The following MAP4K4 variants were observed in gnomAD, a reference collection of about 807,000 sequenced individuals.
The protein encoded by MAP4K4 is HPK/GCK-like kinase HGK.
A neutral mutation model predicts 189.6 loss-of-function variants in MAP4K4; 38 were observed. The ratio of observed to expected loss-of-function variants is 0.20; its 90% CI spans 0.15 to 0.26. The LOEUF (loss-of-function observed/expected upper bound fraction) is 0.26, where lower values mean the gene tolerates loss of function less well. Among genes scored for constraint, MAP4K4 ranks in the 10% least tolerant of loss-of-function variants. MAP4K4 has a pLI of 1.00. For missense variants in MAP4K4, 1,054 were observed against 1,726.9 expected (o/e 0.61, Z 6.91); for synonymous variants, 610 against 624.3 (o/e 0.98, Z 0.34).
intron 28 of MAP4K4, among the ~76,000 whole-genome samples, chr2:101,883,214 T>C (rs2098429372): frequency 7.9e-5 from 12 of 152,254 alleles, no homozygotes; most frequent in Non-Finnish European, 1.5e-4. Context: ...GCTACTATGC[T>C]CCTTACTAGT....
At chr2:101,837,694 CCTTTT>C (rs2096799662) in intron 9 of MAP4K4, among the ~76,000 whole-genome samples, 1 of 152,110 alleles carries the variant, frequency 6.6e-6, no homozygotes, top group Admixed American at 6.5e-5. Context: ...CTCATTTTCC[CCTTTT>C]CTTTATCTCT....
intron 2 of MAP4K4, among the ~76,000 whole-genome samples, chr2:101,717,236 G>A (rs767636858): frequency 2.0e-5 from 3 of 152,230 alleles, no homozygotes; most frequent in Non-Finnish European, 4.4e-5. Context: ...GCAGGAGGAA[G>A]TCATGCATAC....
intron 21 of MAP4K4, 105 bp downstream of exon 21, chr2:101,868,142 C>G (rs957468091): frequency 7.9e-7 from 1 of 1,262,334 alleles, no homozygotes; most frequent in Non-Finnish European, 1.1e-6. Flanking sequence ...AACTTGACTT[C>G]TTGTTCTTTT....
chr2:101,733,662 T>A (rs1409670381), intron 2 of MAP4K4, among the ~76,000 whole-genome samples: 4 of 152,126 alleles, frequency 2.6e-5, no homozygotes, highest in Non-Finnish European at 5.9e-5. Context: ...GTAGAAAGAA[T>A]GGAGGATTCA....
At position 101,769,328 on chromosome 2, in the gene MAP4K4, T is replaced by C. The variant is rs573072253; in HGVS notation, c.124-21392T>C. Reference sequence around the variant, plus strand: ...CTGTAATAGTGAATATTCAGCAAGGTAAGGTCCCTGGCCTCCTGGTGCTTA... The same window carrying C: ...CTGTAATAGTGAATATTCAGCAAGGCAAGGTCCCTGGCCTCCTGGTGCTTA... On this transcript the variant is annotated intron_variant, in intron 2 of 32. Coordinates refer to ENST00000324219, the Ensembl canonical transcript of MAP4K4. 1.4e-4 allele frequency among the ~76,000 whole-genome samples: 22 copies of C among 152,262 alleles called. No homozygotes were observed. In the South Asian group the frequency reaches 2.5e-3, roughly 17 times the overall value.
At chr2:101,825,249 T>C in intron 4 of MAP4K4, 70 bp from the exon 5 acceptor site, 1 of 841,620 alleles carries the variant, frequency 1.2e-6, no homozygotes, top group Non-Finnish European at 1.9e-6. Context: ...AGAGAGGGCA[T>C]GGCGGTTAAA....
chr2:101,866,664 G>A, intron 19 of MAP4K4, 85 bp downstream of exon 19: 3 of 1,506,538 alleles, frequency 2.0e-6, no homozygotes, highest in Non-Finnish European at 2.7e-6. Context: ...TCTGTAGTTT[G>A]CGTGTAGCCA....
At chr2:101,784,855 C>T (rs1299263056) in intron 2 of MAP4K4, among the ~76,000 whole-genome samples, 1 of 152,120 alleles carries the variant, frequency 6.6e-6, no homozygotes, top group Admixed American at 6.6e-5. Context: ...GAGAGCCAGT[C>T]TAGGTGTGAC....
At chr2:101,698,080 A>T (rs1216932395) in exon 1 of MAP4K4, 1 of 1,329,570 alleles carries the variant, frequency 7.5e-7, no homozygotes, top group Non-Finnish European at 9.9e-7. Context: ...AAAAAGGGAA[A>T]ATGGCGAACG....
chr2:101,732,562 A>C (rs1219037283), intron 2 of MAP4K4, among the ~76,000 whole-genome samples: 3 of 152,004 alleles, frequency 2.0e-5, no homozygotes, highest in African/African-American at 7.3e-5. Context: ...CATGGCTTCC[A>C]GTACCTGTTA....
chr2:101,819,734 G>A (rs573577159), intron 3 of MAP4K4, among the ~76,000 whole-genome samples: 36 of 152,218 alleles, frequency 2.4e-4, no homozygotes, highest in South Asian at 8.3e-4. Flanking sequence ...CGGTGTTTCC[G>A]TCATATTAGA....
intron 2 of MAP4K4, among the ~76,000 whole-genome samples, chr2:101,701,793 C>G (rs2038946156): frequency 6.6e-6 from 1 of 152,104 alleles, no homozygotes; most frequent in African/African-American, 2.4e-5. Context: ...CTGGTATGAT[C>G]AGTGAGGAGA....
At chr2:101,851,756 TG>T (rs773203434) in intron 12 of MAP4K4, among the ~76,000 whole-genome samples, 183 of 101,772 alleles carry the variant, frequency 1.8e-3, no homozygotes, top group Non-Finnish European at 2.8e-3. Flanking sequence ...TTTTTTTTTT[TG>T]CCTTAGCTAT....
rs71378177 is a variant in MAP4K4, at chr2:101,811,370, CAAAAAAAAA to C, written c.181-12545_181-12537del. 3.9e-4 allele frequency among the ~76,000 whole-genome samples: 27 copies of C among 68,908 alleles called. 1 individual carries two copies. Among genetic ancestry groups the C allele is most frequent in the African/African-American group, 1.4e-3 (25 of 17,520 alleles). The allele number at this position is 68,908 out of a possible 152,430, so 45.2% of individuals were successfully genotyped here. On this transcript the variant is annotated intron_variant, in intron 3 of 32. Coordinates refer to ENST00000324219, the Ensembl canonical transcript of MAP4K4. ...ATGGCGACAGAGTGAGACTGCGTCT[CAAAAAAAAA>C]AAAAAAAAAAAAGAATGTGGAAGTA... is the stretch of plus-strand genomic sequence containing the variant.
chr2:101,706,612 G>A (rs902662056), intron 2 of MAP4K4, among the ~76,000 whole-genome samples: 4 of 152,088 alleles, frequency 2.6e-5, no homozygotes, highest in Admixed American at 2.0e-4. Context: ...AACACCACAC[G>A]TCAGATAATT....
At chr2:101,711,725 A>T (rs1375556148) in intron 2 of MAP4K4, among the ~76,000 whole-genome samples, 1 of 152,106 alleles carries the variant, frequency 6.6e-6, no homozygotes, top group African/African-American at 2.4e-5. Context: ...CAAAGTGTGA[A>T]ATTCTTTTTG....
chr2:101,735,990 C>G (rs1026034707), intron 2 of MAP4K4, among the ~76,000 whole-genome samples: 1 of 152,248 alleles, frequency 6.6e-6, no homozygotes, highest in East Asian at 1.9e-4. Flanking sequence ...GGTGTTTTCC[C>G]TGTTAAACTT....
chr2:101,888,470 T>G lies in MAP4K4; in HGVS notation c.3932-326T>G, dbSNP rs181996957. On this transcript the variant is annotated intron_variant, in intron 31 of 32. Transcript: ENST00000324219. ...TCACTGTCTCTGATCACTCATGATT[T>G]CTCTTCCCTGCCGTCTCTCATGACT... Among the ~76,000 whole-genome samples, 542 of 152,296 alleles carry G rather than the reference T, an allele frequency of 3.6e-3. 2 individuals are homozygous for G. The highest frequency in any genetic ancestry group is 0.012 in the African/African-American group (518 of 41,564).
chr2:101,874,850 G>A (rs2098154509), intron 26 of MAP4K4, among the ~76,000 whole-genome samples: 1 of 152,180 alleles, frequency 6.6e-6, no homozygotes, highest in Admixed American at 6.5e-5. Context: ...TAGAGTGTAA[G>A]TGCCACAATA....
Sources: allele counts gnomAD v4.1 joint callset (sites outside exome capture counted in the v4.1 genomes callset), GRCh38; gene constraint gnomAD v4.1.1; transcripts MANE v1.5; gene names NCBI Gene and HGNC (gene_info 2026-07-23, HGNC 2026-07-21).